Variants in PDE1C observed in about 807,000 individuals in gnomAD.
PDE1C encodes dual specificity calcium/calmodulin-dependent 3',5'-cyclic nucleotide phosphodiesterase 1C.
In PDE1C, 62 loss-of-function variants were observed where a neutral mutation model predicts 93.1. The ratio of observed to expected loss-of-function variants is 0.67; its 90% CI spans 0.54 to 0.82. The LOEUF is 0.82. Among genes scored for constraint, PDE1C ranks in the 40% least tolerant of loss-of-function variants. The pLI is 0.00. For missense variants in PDE1C, 742 were observed against 884.6 expected (o/e 0.84, Z 2.04); for synonymous variants, 325 against 310.1 (o/e 1.05, Z -0.50).
At chr7:32,067,817 G>A (rs1795577723) in intron 1 of PDE1C, among the ~76,000 whole-genome samples, 1 of 152,086 alleles carries the variant, frequency 6.6e-6, no homozygotes, top group African/African-American at 2.4e-5. Context: ...TCTTCATTTT[G>A]AATATTTAAA....
intron 2 of PDE1C, among the ~76,000 whole-genome samples, chr7:31,910,304 C>A (rs1801070361): frequency 6.6e-6 from 1 of 152,114 alleles, no homozygotes; most frequent in African/African-American, 2.4e-5. Context: ...AACTGCTTGC[C>A]AGGTCCCACA....
chr7:31,692,577 C>A, the PDE1C span: 1 of 1,515,018 alleles, frequency 6.6e-7, no homozygotes, highest in African/African-American at 1.4e-5. Flanking sequence ...GAAGAGGCGT[C>A]TCAGCCATTT....
chr7:31,977,344 G>C (rs1414685625), intron 2 of PDE1C, among the ~76,000 whole-genome samples: 1 of 152,126 alleles, frequency 6.6e-6, no homozygotes, highest in Admixed American at 6.5e-5. Flanking sequence ...CATGGCCTTG[G>C]ACTTCCCAGC....
chr7:31,712,874 C>T, the PDE1C span, among the ~76,000 whole-genome samples: 14 of 152,102 alleles, frequency 9.2e-5, no homozygotes, highest in Middle Eastern at 3.2e-3. Context: ...TTCACTATCA[C>T]GAGAACAGCA....
chr7:31,798,509 A>G (rs771129277), intron 16 of PDE1C, among the ~76,000 whole-genome samples: 1 of 151,766 alleles, frequency 6.6e-6, no homozygotes, highest in Non-Finnish European at 1.5e-5. Flanking sequence ...AACATTTTCT[A>G]TGACTTATGT....
the PDE1C span, among the ~76,000 whole-genome samples, chr7:31,663,826 TG>T: frequency 1.3e-5 from 2 of 152,196 alleles, no homozygotes; most frequent in Non-Finnish European, 2.9e-5. Flanking sequence ...ATACCGTGTT[TG>T]GGAAATTTTC....
At chr7:31,682,148 G>A in the PDE1C span, among the ~76,000 whole-genome samples, 1 of 152,168 alleles carries the variant, frequency 6.6e-6, no homozygotes, top group Non-Finnish European at 1.5e-5. Context: ...TCATAGGATG[G>A]TGCTGAGAAT....
At chr7:32,171,821 A>G (rs9648380) in intron 2 of PDE1C, among the ~76,000 whole-genome samples, 65,407 of 146,850 alleles carry the variant, frequency 0.45, 15,466 homozygotes, top group East Asian at 0.76. Context: ...AGGGACTAGC[A>G]TATAAGGAAA....
chr7:32,044,908 A>G (rs1792312997), intron 2 of PDE1C, among the ~76,000 whole-genome samples: 1 of 152,084 alleles, frequency 6.6e-6, no homozygotes, highest in African/African-American at 2.4e-5. Flanking sequence ...CACTCCTGCT[A>G]CTGGTGTCTA....
intron 1 of PDE1C, among the ~76,000 whole-genome samples, chr7:32,333,109 A>G (rs1783545969): frequency 6.6e-6 from 1 of 152,254 alleles, no homozygotes. Context: ...TGTGGTTACA[A>G]TAAATAACCA....
chr7:32,174,660 T>G (rs1320180974), intron 2 of PDE1C, among the ~76,000 whole-genome samples: 1 of 152,002 alleles, frequency 6.6e-6, no homozygotes, highest in Non-Finnish European at 1.5e-5. Flanking sequence ...CAAAGTGCCT[T>G]GAATAAAATG....
intron 2 of PDE1C, among the ~76,000 whole-genome samples, chr7:31,895,117 G>A (rs1422199299): frequency 6.6e-6 from 1 of 152,188 alleles, no homozygotes; most frequent in Non-Finnish European, 1.5e-5. Flanking sequence ...ATCTTCCTCA[G>A]CTCCTAGGCA....
upstream of PDE1C, among the ~76,000 whole-genome samples, chr7:32,303,382 T>C (rs1812922764): frequency 6.6e-6 from 1 of 152,208 alleles, no homozygotes; most frequent in Non-Finnish European, 1.5e-5. Flanking sequence ...CTAGGCATTG[T>C]GCTAACCAAG....
chr7:31,899,132 C>CTTTTTTT (rs386409838), intron 2 of PDE1C, among the ~76,000 whole-genome samples: 8 of 85,016 alleles, frequency 9.4e-5, no homozygotes, highest in Non-Finnish European at 1.1e-4. Context: ...GGCAGTCCCA[C>CTTTTTTT]TTTTTTTTTT....
At chr7:31,853,688 G>A (rs1562924289) in intron 7 of PDE1C, among the ~76,000 whole-genome samples, 2 of 151,648 alleles carry the variant, frequency 1.3e-5, no homozygotes, top group East Asian at 3.9e-4. Flanking sequence ...AAAAAGCAGG[G>A]TTTTTTTGTT....
At position 32,042,905 on chromosome 7, in the gene PDE1C, G is replaced by A. The variant is rs78100753; in HGVS notation, c.128+8649C>T. On this transcript the variant is annotated intron_variant, in intron 2 of 17. Coordinates refer to ENST00000396191, the MANE Select transcript of PDE1C (RefSeq NM_001191057.4). The stretch of plus-strand genomic sequence containing the variant: ...TGTTTTTGAGCCAAAGACCACATTC[G>A]TTCTCAGATTGAATCTCATCTCTTT... 5.1e-3 allele frequency among the ~76,000 whole-genome samples: 783 copies of A among 152,298 alleles called. 7 individuals are homozygous for A. The highest frequency in any genetic ancestry group is 0.018 in the African/African-American group (741 of 41,570).
chr7:31,783,373 T>C (rs186593720), intron 16 of PDE1C: 10 of 152,218 alleles, frequency 6.6e-5, no homozygotes, highest in Admixed American at 4.6e-4. Context: ...CAAAGGCACT[T>C]GGTGCCTGGG....
intron 16 of PDE1C, among the ~76,000 whole-genome samples, chr7:31,797,476 T>C (rs969984089): frequency 2.6e-5 from 4 of 151,786 alleles, no homozygotes; most frequent in African/African-American, 9.7e-5. Context: ...GCATGACCAC[T>C]AGTGAAGTAT....
chr7:31,652,545 C>A, the PDE1C span: 6 of 1,606,368 alleles, frequency 3.7e-6, no homozygotes, highest in African/African-American at 5.3e-5. Flanking sequence ...AGCAGAGCCA[C>A]CTGAACACTA....
Sources: allele counts gnomAD v4.1 joint callset (sites outside exome capture counted in the v4.1 genomes callset), GRCh38; gene constraint gnomAD v4.1.1; transcripts MANE v1.5; gene names NCBI Gene and HGNC (gene_info 2026-07-23, HGNC 2026-07-21).